AKT3: variants seen among roughly 807,000 people sequenced by gnomAD.
The protein encoded by AKT3 is AKT serine/threonine kinase 3.
In AKT3, 15 loss-of-function variants were observed where a neutral mutation model predicts 65.3. The ratio of observed to expected loss-of-function variants is 0.23; its 90% CI spans 0.15 to 0.35. AKT3 has a LOEUF of 0.35. Among genes scored for constraint, AKT3 ranks in the 10% least tolerant of loss-of-function variants. The pLI is 1.00. For synonymous variants in AKT3, 206 were observed against 183.8 expected, an observed-to-expected ratio of 1.12 and a Z score of -0.98; for missense variants, 243 against 576.5, an observed-to-expected ratio of 0.42 and a Z score of 5.92.
intron 2 of AKT3, among the ~76,000 whole-genome samples, chr1:243,816,887 T>C (rs749152087): frequency 5.8e-4 from 89 of 152,224 alleles, no homozygotes; most frequent in Non-Finnish European, 1.1e-3. Flanking sequence ...TTCCTTATCA[T>C]TCTTCCTATG....
At chr1:243,693,030 A>T (rs1037368834) in intron 3 of AKT3, among the ~76,000 whole-genome samples, 3 of 151,406 alleles carry the variant, frequency 2.0e-5, no homozygotes, top group Admixed American at 6.6e-5. Context: ...TATCTTTTTG[A>T]AAAATTTAAA....
At chr1:243,711,215 A>G (rs1298818221) in intron 2 of AKT3, among the ~76,000 whole-genome samples, 9 of 152,146 alleles carry the variant, frequency 5.9e-5, no homozygotes, top group Admixed American at 5.9e-4. Context: ...GCTACTCGGG[A>G]GGCTGAGGCA....
At chr1:243,537,260 C>CCTATCCATTTCCTTAGCCCT (rs1671998130) in intron 12 of AKT3, among the ~76,000 whole-genome samples, 1 of 152,110 alleles carries the variant, frequency 6.6e-6, no homozygotes, top group Admixed American at 6.6e-5. Context: ...TTCCCTCTCT[C>CCTATCCATTTCCTTAGCCCT]CTATCCATTT....
At chr1:243,559,487 A>T (rs1009994302) in intron 10 of AKT3, among the ~76,000 whole-genome samples, 4 of 152,152 alleles carry the variant, frequency 2.6e-5, no homozygotes, top group African/African-American at 9.7e-5. Context: ...TGTAAGTTTT[A>T]TGTTTTTCTA....
chr1:243,527,901 A>AAG (rs879435652), intron 12 of AKT3, among the ~76,000 whole-genome samples: 1 of 114,976 alleles, frequency 8.7e-6, no homozygotes, highest in African/African-American at 4.1e-5. Context: ...ACACACACAC[A>AAG]CACACACACA....
intron 3 of AKT3, among the ~76,000 whole-genome samples, chr1:243,679,045 C>CAATGAGGAT (rs1469767855): frequency 6.6e-6 from 1 of 152,072 alleles, no homozygotes. Context: ...AACAAGAAGA[C>CAATGAGGAT]AATGAGGATG....
At chr1:243,685,763 A>C (rs1169389695) in intron 3 of AKT3, among the ~76,000 whole-genome samples, 8 of 152,154 alleles carry the variant, frequency 5.3e-5, no homozygotes, top group Non-Finnish European at 8.8e-5. Flanking sequence ...TAGGGAAATC[A>C]GGCAAGATAA....
chr1:243,535,082 C>T (rs1440148884), intron 12 of AKT3, among the ~76,000 whole-genome samples: 1 of 139,418 alleles, frequency 7.2e-6, no homozygotes, highest in Non-Finnish European at 1.5e-5. Context: ...AACCTCTAGA[C>T]ATGTTAAGTA....
intron 2 of AKT3, among the ~76,000 whole-genome samples, chr1:243,792,015 A>G (rs1203971554): frequency 1.3e-5 from 2 of 152,232 alleles, no homozygotes; most frequent in Non-Finnish European, 2.9e-5. Context: ...TTTATTCTCA[A>G]CTGAAGAAGA....
chr1:243,540,386 A>C (rs1226879896), intron 12 of AKT3, among the ~76,000 whole-genome samples: 1 of 152,202 alleles, frequency 6.6e-6, no homozygotes, highest in Non-Finnish European at 1.5e-5. Context: ...ATAAAATTCA[A>C]TACCCATTCA....
rs541528363 is a variant in AKT3, at chr1:243,702,014, T to C, written c.47-6298A>G. ...ATACATCTCTGAAGAAAAAAATGTA[T>C]AGATTACATCTATACTTAATGCATG... On this transcript the variant is annotated intron_variant, in intron 2 of 13. Transcript: ENST00000673466. Among the ~76,000 whole-genome samples, 4 of 151,440 alleles carry C rather than the reference T, an allele frequency of 2.6e-5. No homozygotes were observed. In the East Asian group the frequency reaches 5.8e-4, roughly 22 times the overall value.
intron 8 of AKT3, among the ~76,000 whole-genome samples, chr1:243,586,883 G>GA (rs538599619): frequency 6.7e-6 from 1 of 150,214 alleles, no homozygotes; most frequent in South Asian, 2.1e-4. Flanking sequence ...AATAAAAGTT[G>GA]AAAAAAATAA....
intron 3 of AKT3, among the ~76,000 whole-genome samples, chr1:243,694,532 T>C (rs922803794): frequency 3.9e-5 from 6 of 152,016 alleles, no homozygotes; most frequent in African/African-American, 1.4e-4. Flanking sequence ...AGAAAGCTTT[T>C]TTTTTTAAGT....
chr1:243,640,059 T>A (rs908499281), intron 5 of AKT3, among the ~76,000 whole-genome samples: 2 of 152,234 alleles, frequency 1.3e-5, no homozygotes, highest in African/African-American at 4.8e-5. Context: ...TCATATTTTT[T>A]ATAATTTTCC....
chr1:243,505,349 C>T lies in AKT3; in HGVS notation c.1355-15G>A, dbSNP rs1045371175. On this transcript the variant is annotated splice_polypyrimidine_tract_variant and intron_variant, in intron 13 of 13. Transcript: ENST00000673466. ...ATCCTCATCATCTGTGGGCAGGAAA[C>T]ATCTATTTTAATTTTACACATTCAT... 1.2e-6 allele frequency: 2 copies of T among 1,609,954 alleles called. No homozygotes were observed. The highest frequency in any genetic ancestry group is 2.2e-5 in the East Asian group (1 of 44,860).
chr1:243,841,102 T>G (rs1484165870), intron 2 of AKT3, among the ~76,000 whole-genome samples: 2 of 152,124 alleles, frequency 1.3e-5, no homozygotes, highest in East Asian at 3.8e-4. Flanking sequence ...ACATACACAT[T>G]ATTAGAAACA....
chr1:243,570,012 A>C (rs1411029244), intron 9 of AKT3, among the ~76,000 whole-genome samples: 1 of 152,254 alleles, frequency 6.6e-6, no homozygotes, highest in Non-Finnish European at 1.5e-5. Context: ...CTTAATAAAA[A>C]TAAAACTTCA....
At chr1:243,703,760 C>CAAAAAAAA (rs370671685) in intron 2 of AKT3, among the ~76,000 whole-genome samples, 16 of 78,320 alleles carry the variant, frequency 2.0e-4, no homozygotes, top group Admixed American at 3.0e-4. Flanking sequence ...GACTCCATCT[C>CAAAAAAAA]AAAAAAAAAA....
At chr1:243,628,157 T>C (rs560510533) in intron 6 of AKT3, among the ~76,000 whole-genome samples, 1 of 152,262 alleles carries the variant, frequency 6.6e-6, no homozygotes, top group South Asian at 2.1e-4. Flanking sequence ...CTGAAGGACA[T>C]AACATAATCC....
Sources: allele counts gnomAD v4.1 joint callset (sites outside exome capture counted in the v4.1 genomes callset), GRCh38; gene constraint gnomAD v4.1.1; transcripts MANE v1.5; gene names NCBI Gene and HGNC (gene_info 2026-07-23, HGNC 2026-07-21).